Variants in DSTYK observed in about 807,000 individuals in gnomAD.
DSTYK encodes the protein dual serine/threonine and tyrosine protein kinase, also known as RIP-homologous kinase.
DSTYK carries 34 observed loss-of-function variants against 98.7 expected under a neutral mutation model. The observed-to-expected ratio is 0.34, with a 90% CI of 0.26 to 0.46. DSTYK has a LOEUF of 0.46. Among genes scored for constraint, DSTYK ranks in the 20% least tolerant of loss-of-function variants. The pLI is 1.00. For synonymous variants in DSTYK, 462 were observed against 457.3 expected, an observed-to-expected ratio of 1.01 and a Z score of -0.13; for missense variants, 962 against 1,181.7, an observed-to-expected ratio of 0.81 and a Z score of 2.73.
At chr1:205,192,000 T>C (rs770022191) in intron 1 of DSTYK, among the ~76,000 whole-genome samples, 14 of 151,244 alleles carry the variant, frequency 9.3e-5, no homozygotes, top group Admixed American at 5.9e-4. Context: ...CCAAGGCTTC[T>C]GTTGTTGTTG....
At chr1:205,177,184 A>G (rs1574775633) in intron 2 of DSTYK, among the ~76,000 whole-genome samples, 1 of 152,176 alleles carries the variant, frequency 6.6e-6, no homozygotes. Flanking sequence ...TCTAGCCTGA[A>G]CAACAGAGTG....
chr1:205,176,071 A>G (rs1658218915), intron 2 of DSTYK, among the ~76,000 whole-genome samples: 1 of 152,244 alleles, frequency 6.6e-6, no homozygotes, highest in Non-Finnish European at 1.5e-5. Context: ...TAATTCCTAT[A>G]TTGAGTCATA....
chr1:205,163,230 T>TA (rs1389552999), intron 4 of DSTYK, among the ~76,000 whole-genome samples: 2 of 151,952 alleles, frequency 1.3e-5, no homozygotes, highest in African/African-American at 4.8e-5. Flanking sequence ...TTTTTTTTTT[T>TA]ATTTTTTAGA....
chr1:205,160,798 T>C (rs1383839479), intron 7 of DSTYK, among the ~76,000 whole-genome samples: 1 of 151,990 alleles, frequency 6.6e-6, no homozygotes, highest in Non-Finnish European at 1.5e-5. Flanking sequence ...GTTTTTTTTT[T>C]TGGAGACAGA....
chr1:205,204,957 A>T (rs1659157096), intron 1 of DSTYK, among the ~76,000 whole-genome samples: 1 of 152,238 alleles, frequency 6.6e-6, no homozygotes. Context: ...ATGCACTAGA[A>T]TAGGAACCTA....
At chr1:205,205,075 A>G (rs1338953298) in intron 1 of DSTYK, among the ~76,000 whole-genome samples, 1 of 152,196 alleles carries the variant, frequency 6.6e-6, no homozygotes, top group Non-Finnish European at 1.5e-5. Context: ...GAAAAATGGG[A>G]TTTTGTTAAT....
chr1:205,187,729 G>A lies in DSTYK; in HGVS notation c.343C>T (p.Leu115=). The A allele has an allele frequency of 6.2e-7, 1 of 1,614,200 alleles. No individual in the cohort carries two copies. Among genetic ancestry groups the A allele is most frequent in the Non-Finnish European group, 8.5e-7 (1 of 1,180,044 alleles). Reference sequence around the variant, plus strand: ...ACGTTACAATCCTGGCCGAGGATCAGTATGCAAGGGAGGCAGTCCACAATC... The same window carrying A: ...ACGTTACAATCCTGGCCGAGGATCAATATGCAAGGGAGGCAGTCCACAATC... ...QQIVDCLPCI[L]ILGQDCNVKC... is the part of the protein sequence containing the mutation. Residue 115 remains leucine, a synonymous_variant, in exon 2 of 13, where the codon CTG becomes TTG. Transcript: ENST00000367162.
At chr1:205,202,792 AG>A (rs2102478734) in intron 1 of DSTYK, 1 of 587,112 alleles carries the variant, frequency 1.7e-6, no homozygotes, top group African/African-American at 1.9e-5. Flanking sequence ...AAAAAAGGAA[AG>A]AAAAGAAAGT....
At position 205,159,656 on chromosome 1, in the gene DSTYK, A is replaced by G. The variant is rs768868078; in HGVS notation, c.2129T>C (p.Leu710Ser). 1 of 1,613,712 alleles carries G rather than the reference A, an allele frequency of 6.2e-7. No individual in the cohort carries two copies. The highest frequency in any genetic ancestry group is 8.5e-7 in the Non-Finnish European group (1 of 1,179,978). The stretch of plus-strand genomic sequence containing the variant: ...AATGACTGAACCATGGAGATCCACC[A>G]ATCGCTCATGCTTCGGCAGAGACCT... ...YMRSLPKHER[L>S]VDLHGSVIDY... Residue 710 changes from leucine (L) to serine (S), a missense_variant, in exon 9 of 13, where the codon TTG becomes TCG. By Grantham distance (145) the Leu-to-Ser change is moderately radical (BLOSUM62 -2). This residue lies in a region of DSTYK where 660 missense variants were observed against 855.0 expected (regional missense o/e 0.77). Transcript: ENST00000367162.
chr1:205,162,268 A>C, intron 5 of DSTYK, 56 bp from the exon 6 acceptor site: 1 of 1,584,856 alleles, frequency 6.3e-7, no homozygotes, highest in Non-Finnish European at 8.6e-7. Context: ...AACCACTACA[A>C]AGATCCAGTG....
intron 1 of DSTYK, among the ~76,000 whole-genome samples, chr1:205,208,710 CA>C (rs539331693): frequency 1.3e-5 from 2 of 152,074 alleles, no homozygotes; most frequent in African/African-American, 2.4e-5. Flanking sequence ...CCCATCTTTA[CA>C]AAAAATTTAA....
At chr1:205,159,511 G>C (rs1437786468) in intron 9 of DSTYK, 36 bp downstream of exon 9, 20 of 1,590,494 alleles carry the variant, frequency 1.3e-5, no homozygotes, top group Non-Finnish European at 1.5e-5. Flanking sequence ...GGAACCCGTG[G>C]ATTTGGCTGC....
chr1:205,180,563 C>T (rs1394359530), intron 2 of DSTYK, among the ~76,000 whole-genome samples: 1 of 152,198 alleles, frequency 6.6e-6, no homozygotes, highest in Non-Finnish European at 1.5e-5. Context: ...TTCCCAGGCT[C>T]AAGTGGTCTT....
intron 3 of DSTYK, among the ~76,000 whole-genome samples, chr1:205,164,748 A>G (rs12410216): frequency 0.19 from 28,698 of 152,196 alleles, 3,524 homozygotes; most frequent in East Asian, 0.52. Context: ...GGTGTGAGCC[A>G]CCGTGCCCGG....
At chr1:205,196,209 C>CTTT (rs1658861516) in intron 1 of DSTYK, among the ~76,000 whole-genome samples, 1 of 152,100 alleles carries the variant, frequency 6.6e-6, no homozygotes, top group South Asian at 2.1e-4. Flanking sequence ...AAAAGGAAAG[C>CTTT]TCTTCTTTAC....
chr1:205,157,124 T>C (rs1485359028), intron 10 of DSTYK, 149 bp downstream of exon 10: 2 of 639,570 alleles, frequency 3.1e-6, no homozygotes, highest in Non-Finnish European at 5.5e-6. Flanking sequence ...TACCCAGTCT[T>C]AGGTATGTCT....
At chr1:205,159,876 A>G in intron 8 of DSTYK, 197 bp from the exon 9 acceptor site, 1 of 794,844 alleles carries the variant, frequency 1.3e-6, no homozygotes, top group Non-Finnish European at 2.0e-6. Context: ...GATTCTAAAA[A>G]CTGATAAGGC....
chr1:205,206,221 T>C (rs1234711260), intron 1 of DSTYK, among the ~76,000 whole-genome samples: 2 of 152,206 alleles, frequency 1.3e-5, no homozygotes, highest in African/African-American at 2.4e-5. Flanking sequence ...AGGTATTTAT[T>C]GAATAATAGC....
chr1:205,152,867 C>T (rs1558598964), intron 10 of DSTYK, among the ~76,000 whole-genome samples: 3 of 152,194 alleles, frequency 2.0e-5, no homozygotes, highest in Non-Finnish European at 4.4e-5. Flanking sequence ...CTATGAGCAG[C>T]ATGAGGGCAG....
Sources: gnomAD v4.1 joint callset for allele counts (sites outside exome capture counted in the v4.1 genomes callset) on GRCh38, gnomAD v4.1.1 for gene constraint, gnomAD v4.1.1 regional missense constraint, MANE v1.5 for transcripts, NCBI Gene and HGNC (gene_info 2026-07-23, HGNC 2026-07-21) for gene names.